Variants in CCDC40 observed in about 807,000 individuals in gnomAD.
CCDC40 encodes coiled-coil domain-containing protein 40.
Under a neutral mutation model 124.5 loss-of-function variants are expected in CCDC40, and 104 were observed. The ratio of observed to expected loss-of-function variants is 0.84; its 90% CI spans 0.71 to 0.98. The LOEUF (loss-of-function observed/expected upper bound fraction) is 0.98. Ranked by LOEUF, CCDC40 falls within the 50% of genes least tolerant of loss-of-function variation. The pLI is 0.00. For synonymous variants in CCDC40, 580 were observed against 602.9 expected, an observed-to-expected ratio of 0.96 and a Z score of 0.56; for missense variants, 1,463 against 1,503.9, an observed-to-expected ratio of 0.97 and a Z score of 0.45.
chr17:80,055,787 G>A (rs963366617), intron 7 of CCDC40, among the ~76,000 whole-genome samples: 6 of 151,380 alleles, frequency 4.0e-5, no homozygotes, highest in East Asian at 1.9e-4. Flanking sequence ...AGGGCCCTCC[G>A]CAGAGGCAAC....
At chr17:80,071,103 T>TA (rs2038175565) in intron 10 of CCDC40, among the ~76,000 whole-genome samples, 1 of 152,134 alleles carries the variant, frequency 6.6e-6, no homozygotes, top group Non-Finnish European at 1.5e-5. Context: ...TCCCATCACA[T>TA]ACGCAGGGAA....
At chr17:80,075,775 G>A (rs62074559) in intron 10 of CCDC40, among the ~76,000 whole-genome samples, 15,253 of 152,138 alleles carry the variant, frequency 0.1, 811 homozygotes, top group Middle Eastern at 0.14. Context: ...CACTGCGCCC[G>A]GCCCCAAAAT....
Position 80,059,025 on chromosome 17 carries a change from G to C in CCDC40, c.1440+45G>C, listed in dbSNP as rs375397307. 243 of 1,613,450 alleles carry C rather than the reference G, an allele frequency of 1.5e-4. 2 individuals carry two copies. The Middle Eastern group carries it at 8.7e-3, about 58-fold the overall frequency. On this transcript the variant is annotated intron_variant, in intron 9 of 19. Transcript: ENST00000397545. ...CTCTCAGTGTTCGACCCTCCAGTGA[G>C]TGTCCACGCACAGGGTGCTGGTGGG...
chr17:80,085,890 G>C, intron 13 of CCDC40, 113 bp from the exon 14 acceptor site: 1 of 958,234 alleles, frequency 1.0e-6, no homozygotes, highest in Non-Finnish European at 1.7e-6. Flanking sequence ...GGCTGGTCTT[G>C]AACTCCTGAC....
At chr17:80,095,188 C>T in intron 17 of CCDC40, 75 bp from the exon 18 acceptor site, 1 of 1,426,920 alleles carries the variant, frequency 7.0e-7, no homozygotes, top group South Asian at 1.2e-5. Context: ...TGAGCGAGGC[C>T]AGCGCCCCGG....
chr17:80,090,924 G>A (rs2038711257), intron 17 of CCDC40: 1 of 613,166 alleles, frequency 1.6e-6, no homozygotes, highest in Non-Finnish European at 2.1e-6. Context: ...TATTACAGAA[G>A]CCACATGTAT....
rs1003407666 is a variant in CCDC40, at chr17:80,036,808, C to T, written c.29+117C>T. On this transcript the variant is annotated intron_variant, in intron 1 of 19. Coordinates refer to ENST00000397545, the MANE Select transcript of CCDC40 (RefSeq NM_017950.4). ...CGCCCCTTCGCCTCCACTCCCCCTT[C>T]CTCTCGCCTGTGTCCCTTCTCTCGC... 12 of 968,146 alleles carry T rather than the reference C, an allele frequency of 1.2e-5. No individual in the cohort carries two copies. The African/African-American group carries it at 1.9e-4, about 15-fold the overall frequency. 60.0% of individuals were successfully genotyped at this position (968,146 alleles called of 1,614,324 possible). A position where few individuals can be genotyped will look rare whatever the true frequency, so the allele number is the denominator to read the frequency against.
intron 17 of CCDC40, among the ~76,000 whole-genome samples, chr17:80,094,760 C>T (rs1043474085): frequency 3.3e-5 from 5 of 152,136 alleles, no homozygotes; most frequent in East Asian, 1.9e-4. Context: ...TAGCCACTGA[C>T]GCCATCAAGA....
chr17:80,049,409 CAAA>C (rs34096428), intron 5 of CCDC40, among the ~76,000 whole-genome samples: 4 of 112,816 alleles, frequency 3.5e-5, no homozygotes, highest in Admixed American at 9.2e-5. Flanking sequence ...AACTCTGTCT[CAAA>C]AAAAAAAAAA....
intron 7 of CCDC40, among the ~76,000 whole-genome samples, chr17:80,056,016 A>ATTTTTTTTTTTTTTT (rs1193599741): frequency 8.8e-4 from 9 of 10,244 alleles, no homozygotes; most frequent in East Asian, 8.4e-3. Context: ...ATATATATAT[A>ATTTTTTTTTTTTTTT]TTTTTTTTTT....
intron 7 of CCDC40, among the ~76,000 whole-genome samples, chr17:80,057,414 A>G (rs1203515603): frequency 6.6e-6 from 1 of 152,078 alleles, no homozygotes; most frequent in African/African-American, 2.4e-5. Flanking sequence ...TTTAAGCTGT[A>G]TCCTTCGAGC....
chr17:80,096,897 C>T (rs2038820024), intron 18 of CCDC40, among the ~76,000 whole-genome samples: 1 of 152,270 alleles, frequency 6.6e-6, no homozygotes, highest in African/African-American at 2.4e-5. Context: ...CTCTCCCAGG[C>T]TCCCCAGCCT....
rs534985628 is a variant in CCDC40 at position 80,044,301 on chromosome 17, T to C, written c.553-2978T>C. ...CTAAAAGTCACTTTGGAGAACAGCA[T>C]GATTCAGTATTTGGTGAGCCCTAAT... On this transcript the variant is annotated intron_variant, in intron 3 of 19. Transcript: ENST00000397545. 4.6e-5 allele frequency among the ~76,000 whole-genome samples: 7 copies of C among 152,318 alleles called. No homozygotes were observed. In the South Asian group the frequency reaches 1.5e-3, roughly 32 times the overall value.
At position 80,068,556 on chromosome 17, in the gene CCDC40, A is replaced by T. The variant is rs2038108935; in HGVS notation, c.1562+2950A>T. Among the ~76,000 whole-genome samples, 3 of 151,998 alleles carry T rather than the reference A, an allele frequency of 2.0e-5. No homozygotes were observed. In the South Asian group the frequency reaches 6.2e-4, roughly 31 times the overall value. Reference sequence around the variant, plus strand: ...CAAATATTGACCTTGAGATGTTCAGATTTGTAGAGCATCTTAGAAAATGGT... The same window carrying T: ...CAAATATTGACCTTGAGATGTTCAGTTTTGTAGAGCATCTTAGAAAATGGT... On this transcript the variant is annotated intron_variant, in intron 10 of 19. Coordinates refer to ENST00000397545, the MANE Select transcript of CCDC40 (RefSeq NM_017950.4).
intron 3 of CCDC40, among the ~76,000 whole-genome samples, chr17:80,044,704 A>ATGTGTATATATATATATATATATATAT (rs1485851817): frequency 5.4e-4 from 20 of 37,214 alleles, no homozygotes; most frequent in African/African-American, 1.5e-3. Context: ...AAAACAAACA[A>ATGTGTATATATATATATATATATATAT]ACAAAAAAAA....
chr17:80,094,807 C>T (rs2038778564), intron 17 of CCDC40, among the ~76,000 whole-genome samples: 2 of 152,204 alleles, frequency 1.3e-5, no homozygotes, highest in South Asian at 4.1e-4. Context: ...AGTTCCTGTG[C>T]ACCCCCGCAG....
chr17:80,079,090 C>T (rs1021800134), intron 10 of CCDC40, among the ~76,000 whole-genome samples: 2 of 152,092 alleles, frequency 1.3e-5, no homozygotes, highest in Admixed American at 6.6e-5. Flanking sequence ...CACACCACCA[C>T]GCCCGGCTAA....
In CCDC40 at chr17:80,090,224, G is replaced by T. The variant is rs952399668; in HGVS notation, c.2832+340G>T. On this transcript the variant is annotated intron_variant, in intron 17 of 19. Coordinates refer to ENST00000397545, the MANE Select transcript of CCDC40 (RefSeq NM_017950.4). ...GCAGGCACGTGCACGAAGAACACGG[G>T]ACGCGCGCAGGCACGTGCACGAACA... 34 of 880,640 alleles carry T rather than the reference G, an allele frequency of 3.9e-5. 2 individuals carry two copies. Among genetic ancestry groups the T allele is most frequent in the Non-Finnish European group, 5.2e-5 (32 of 617,986 alleles). The allele number at this position is 880,640 out of a possible 1,614,324, so 54.6% of individuals were successfully genotyped here.
intron 17 of CCDC40, among the ~76,000 whole-genome samples, chr17:80,091,236 G>C (rs2038715450): frequency 6.6e-6 from 1 of 150,626 alleles, no homozygotes; most frequent in Non-Finnish European, 1.5e-5. Flanking sequence ...ATTTGTTGTT[G>C]GTGTTATTGT....
Sources: gnomAD v4.1 joint callset for allele counts (sites outside exome capture counted in the v4.1 genomes callset) on GRCh38, gnomAD v4.1.1 for gene constraint, MANE v1.5 for transcripts, NCBI Gene and HGNC (gene_info 2026-07-23, HGNC 2026-07-21) for gene names.